The following GNB5 variants were observed in gnomAD, a reference collection of about 807,000 sequenced individuals.
The protein encoded by GNB5 is guanine nucleotide-binding protein subunit beta-5.
In GNB5, 37 loss-of-function variants were observed where a neutral mutation model predicts 55.3. The ratio of observed to expected loss-of-function variants is 0.67; its 90% confidence interval spans 0.51 to 0.88. The LOEUF (loss-of-function observed/expected upper bound fraction) is 0.88, where lower values mean the gene tolerates loss of function less well. Among genes scored for constraint, GNB5 ranks in the 40% least tolerant of loss-of-function variants. The probability of loss-of-function intolerance (pLI) is 0.00; values close to 1 mark genes in which losing one functional copy is unlikely to be tolerated. For missense variants in GNB5, 476 were observed against 515.3 expected, an observed-to-expected ratio of 0.92 and a Z score of 0.74; for synonymous variants, 219 against 198.5, an observed-to-expected ratio of 1.10 and a Z score of -0.87.
In GNB5 at chr15:52,158,482, T is replaced by C. The variant is rs958629342; in HGVS notation, c.239-4406A>G. 2.6e-5 allele frequency among the ~76,000 whole-genome samples: 4 copies of C among 152,262 alleles called. No individual in the cohort carries two copies. In the East Asian group the frequency reaches 7.7e-4, roughly 29 times the overall value. ...AGTCTTTGGTGGGCGAACAAAACAA[T>C]GCCTCTTTGCCTTCTTTTTCTGTAC... is the stretch of plus-strand genomic sequence containing the variant. On this transcript the variant is annotated intron_variant, in intron 3 of 12. Transcript: ENST00000261837.
chr15:52,128,470 T>C (rs958994260), intron 9 of GNB5: 1 of 617,152 alleles, frequency 1.6e-6, no homozygotes, highest in Non-Finnish European at 2.9e-6. Context: ...ATAATATGTG[T>C]TGATATCAGG....
chr15:52,120,096 C>G lies in GNB5; in HGVS notation c.*2661G>C, dbSNP rs1436345671. 3 of 152,472 alleles carry G rather than the reference C, an allele frequency of 2.0e-5. No homozygotes were observed. The highest frequency in any genetic ancestry group is 2.1e-4 in the South Asian group (1 of 4,824). The allele number at this position is 152,472 out of a possible 1,614,324, so 9.4% of individuals were successfully genotyped here. A position where few individuals can be genotyped will look rare whatever the true frequency, so the allele number is the denominator to read the frequency against. ...TTCCCATAAATACCCATCACCCACACCTTTCTGCCTGAACTTTCTTTTTTC... is the reference window on the plus strand; with the variant it reads ...TTCCCATAAATACCCATCACCCACAGCTTTCTGCCTGAACTTTCTTTTTTC... On this transcript the variant is annotated 3_prime_UTR_variant, in exon 13 of 13. Coordinates refer to ENST00000261837, the MANE Select transcript of GNB5 (RefSeq NM_016194.4).
In GNB5 at chr15:52,117,102, A is replaced by ATTTTTTTTTTTTTTTTTTTTTTTTT. The variant is rs977627428; in HGVS notation, c.*5654_*5655insAAAAAAAAAAAAAAAAAAAAAAAAA. ...CCACGCCCAGCTAATATATATATAT[A>ATTTTTTTTTTTTTTTTTTTTTTTTT]TTTTTTTTTAGTACAGACAGGGTTT... is the stretch of plus-strand genomic sequence containing the variant. On this transcript the variant is annotated 3_prime_UTR_variant, in exon 13 of 13. Transcript: ENST00000261837. 1.5e-4 allele frequency: 13 copies of ATTTTTTTTTTTTTTTTTTTTTTTTT among 87,088 alleles called. 1 individual carries two copies. Among genetic ancestry groups the ATTTTTTTTTTTTTTTTTTTTTTTTT allele is most frequent in the Non-Finnish European group, 2.8e-4 (13 of 46,186 alleles). 5.4% of individuals were successfully genotyped at this position (87,088 alleles called of 1,614,324 possible).
intron 3 of GNB5, among the ~76,000 whole-genome samples, chr15:52,167,671 CAA>C (rs35907647): frequency 2.8e-5 from 4 of 140,962 alleles, no homozygotes; most frequent in Admixed American, 7.0e-5. Flanking sequence ...GACTCCATTT[CAA>C]AAAAAAAAAG....
At chr15:52,159,865 G>A (rs544310812) in intron 3 of GNB5, among the ~76,000 whole-genome samples, 75 of 152,230 alleles carry the variant, frequency 4.9e-4, no homozygotes, top group African/African-American at 1.8e-3. Context: ...GCTGGCAGGC[G>A]TGGTCATTAG....
At chr15:52,142,198 G>C (rs1289961460) in intron 6 of GNB5, among the ~76,000 whole-genome samples, 3 of 152,152 alleles carry the variant, frequency 2.0e-5, no homozygotes, top group African/African-American at 7.2e-5. Context: ...ACTTGGTTAA[G>C]GTGGACCACT....
intron 3 of GNB5, among the ~76,000 whole-genome samples, chr15:52,156,487 T>G (rs565127191): frequency 1.3e-5 from 2 of 152,330 alleles, no homozygotes; most frequent in Admixed American, 1.3e-4. Context: ...ATCCCAGCAC[T>G]TTGGGAGGCC....
In GNB5 at chr15:52,154,062, C is replaced by T. The variant is rs2034157189; in HGVS notation, c.253G>A (p.Glu85Lys). Residue 85 changes from glutamate (E) to lysine (K), a missense_variant, in exon 4 of 13, where the codon GAG (glutamate) becomes AAG (lysine). Glu to Lys is a moderately conservative substitution (Grantham distance 56, BLOSUM62 1). Transcript: ENST00000261837. ...AACTGCCCCAGGGCCTCCACCCGCT[C>T]CGCCACCTGGTGCACTGGAATGACA... ...LHDVELHQVA[E>K]RVEALGQFVM... 2 of 1,613,942 alleles carry T rather than the reference C, an allele frequency of 1.2e-6. No individual in the cohort carries two copies. Among genetic ancestry groups the T allele is most frequent in the Admixed American group, 3.3e-5 (2 of 59,998 alleles).
At chr15:52,137,094 G>A (rs1342681640) in intron 7 of GNB5, 1 of 563,174 alleles carries the variant, frequency 1.8e-6, no homozygotes, top group African/African-American at 2.0e-5. Flanking sequence ...CCTGGACCCT[G>A]AAATCCTCTA....
chr15:52,174,512 T>A (rs994104940), intron 3 of GNB5, among the ~76,000 whole-genome samples: 14 of 152,130 alleles, frequency 9.2e-5, no homozygotes, highest in Admixed American at 8.5e-4. Context: ...TGGCTTCCCA[T>A]CAGAGGACCC....
In GNB5 at chr15:52,121,404, A is replaced by T. The variant is rs550835731; in HGVS notation, c.*1353T>A. 6 of 152,200 alleles carry T rather than the reference A, an allele frequency of 3.9e-5. No homozygotes were observed. The highest frequency in any genetic ancestry group is 8.8e-5 in the Non-Finnish European group (6 of 68,020). The allele number at this position is 152,200 out of a possible 1,614,324, so 9.4% of individuals were successfully genotyped here. On this transcript the variant is annotated 3_prime_UTR_variant, in exon 13 of 13. Coordinates refer to ENST00000261837, the MANE Select transcript of GNB5 (RefSeq NM_016194.4). ...TCTAAAGCAAAGAATAAGCATCTACATCTTACAAAAAAACAAAAAAAGGAA... is the reference window on the plus strand; with the variant it reads ...TCTAAAGCAAAGAATAAGCATCTACTTCTTACAAAAAAACAAAAAAAGGAA...
intron 2 of GNB5, among the ~76,000 whole-genome samples, chr15:52,182,558 T>G (rs1429050701): frequency 6.6e-6 from 1 of 152,192 alleles, no homozygotes; most frequent in Non-Finnish European, 1.5e-5. Flanking sequence ...TCTTGTATTT[T>G]GGTGTTAACT....
intron 12 of GNB5, chr15:52,123,595 T>G (rs1358105585): frequency 2.7e-5 from 4 of 149,618 alleles, no homozygotes; most frequent in Non-Finnish European, 2.9e-5. Flanking sequence ...CAGCCTGGAG[T>G]GCAGTGGGAT....
chr15:52,117,102 A>ATATATATATATATTTTTT lies in GNB5; in HGVS notation c.*5654_*5655insAAAAAATATATATATATA. ...CCACGCCCAGCTAATATATATATAT[A>ATATATATATATATTTTTT]TTTTTTTTTAGTACAGACAGGGTTT... is the stretch of plus-strand genomic sequence containing the variant. On this transcript the variant is annotated 3_prime_UTR_variant, in exon 13 of 13. Coordinates refer to ENST00000261837, the MANE Select transcript of GNB5 (RefSeq NM_016194.4). The ATATATATATATATTTTTT allele has an allele frequency of 3.4e-5, 3 of 87,102 alleles. No homozygotes were observed. The highest frequency in any genetic ancestry group is 1.8e-4 in the African/African-American group (3 of 16,420). The allele number at this position is 87,102 out of a possible 1,614,324, so 5.4% of individuals were successfully genotyped here. A position where few individuals can be genotyped will look rare whatever the true frequency, so the allele number is the denominator to read the frequency against.
At chr15:52,187,154 A>G (rs1457822611) in intron 1 of GNB5, among the ~76,000 whole-genome samples, 1 of 152,204 alleles carries the variant, frequency 6.6e-6, no homozygotes, top group Non-Finnish European at 1.5e-5. Context: ...GAGTTAACAA[A>G]AAAGGGCCTG....
At chr15:52,177,712 A>G (rs928722002) in intron 3 of GNB5, among the ~76,000 whole-genome samples, 2 of 151,954 alleles carry the variant, frequency 1.3e-5, no homozygotes, top group Non-Finnish European at 2.9e-5. Flanking sequence ...GGAGATCAGG[A>G]GACATGTCAA....
intron 10 of GNB5, among the ~76,000 whole-genome samples, chr15:52,127,416 T>C (rs1463393838): frequency 6.6e-6 from 1 of 152,208 alleles, no homozygotes; most frequent in Non-Finnish European, 1.5e-5. Context: ...TCCATTCGTA[T>C]CTACAGGATT....
chr15:52,143,052 G>A (rs1392384387), intron 6 of GNB5, among the ~76,000 whole-genome samples: 1 of 152,072 alleles, frequency 6.6e-6, no homozygotes, highest in Admixed American at 6.5e-5. Context: ...CTACTTGGGA[G>A]GCTGAGGCAG....
In GNB5 at chr15:52,118,869, TAA is replaced by T. The variant is rs35277040; in HGVS notation, c.*3886_*3887del. 1.8e-4 allele frequency: 17 copies of T among 93,298 alleles called. No homozygotes were observed. The highest frequency in any genetic ancestry group is 2.9e-4 in the East Asian group (1 of 3,430). 5.8% of individuals were successfully genotyped at this position (93,298 alleles called of 1,614,324 possible). A position where few individuals can be genotyped will look rare whatever the true frequency, so the allele number is the denominator to read the frequency against. Reference sequence around the variant, plus strand: ...TGGGCAACAAGAGCAAAACTCCACGTAAAAAAAAAAAAAAAAAAAAAGTGTAC... The same window carrying T: ...TGGGCAACAAGAGCAAAACTCCACGTAAAAAAAAAAAAAAAAAAAGTGTAC... On this transcript the variant is annotated 3_prime_UTR_variant, in exon 13 of 13. Coordinates refer to ENST00000261837, the MANE Select transcript of GNB5 (RefSeq NM_016194.4).
Sources: gnomAD v4.1 joint callset for allele counts (sites outside exome capture counted in the v4.1 genomes callset) on GRCh38, gnomAD v4.1.1 for gene constraint, MANE v1.5 for transcripts, NCBI Gene and HGNC (gene_info 2026-07-23, HGNC 2026-07-21) for gene names.